Variants in AGBL1 observed in about 807,000 individuals in gnomAD.
AGBL1 encodes the protein AGBL carboxypeptidase 1, also known as cytosolic carboxypeptidase 4.
Under a neutral mutation model 118.9 loss-of-function variants are expected in AGBL1, and 130 were observed. The observed-to-expected ratio is 1.09, with a 90% confidence interval of 0.95 to 1.26. The LOEUF (loss-of-function observed/expected upper bound fraction) is 1.26. AGBL1 is among the 50% of genes most tolerant of loss of function. The probability of loss-of-function intolerance (pLI) is 0.00; values close to 1 mark genes in which losing one functional copy is unlikely to be tolerated. For synonymous variants in AGBL1, 555 were observed against 478.9 expected (o/e 1.16, Z -2.08); for missense variants, 1,584 against 1,298.1 (o/e 1.22, Z -3.38).
At chr15:87,020,158 T>G (rs1345831829) in intron 24 of AGBL1, among the ~76,000 whole-genome samples, 1 of 152,018 alleles carries the variant, frequency 6.6e-6, no homozygotes, top group Non-Finnish European at 1.5e-5. Context: ...ACCAGAAGAA[T>G]TTACAGCTGA....
chr15:86,754,300 C>A (rs1045005460), intron 22 of AGBL1, among the ~76,000 whole-genome samples: 1 of 152,048 alleles, frequency 6.6e-6, no homozygotes, highest in Admixed American at 6.6e-5. Context: ...GCTTGCCCAG[C>A]TAGATTATAA....
chr15:86,436,154 T>A (rs1255351150), intron 18 of AGBL1, among the ~76,000 whole-genome samples: 2 of 147,200 alleles, frequency 1.4e-5, no homozygotes, highest in South Asian at 4.6e-4. Context: ...CTTGCATGCA[T>A]ATAGAAAATT....
At chr15:86,478,258 A>G (rs922153382) in intron 18 of AGBL1, among the ~76,000 whole-genome samples, 34 of 152,314 alleles carry the variant, frequency 2.2e-4, no homozygotes, top group Non-Finnish European at 4.3e-4. Flanking sequence ...AAAGAAATAA[A>G]GGGTATTCAA....
chr15:86,825,887 G>GATA (rs2079004706), intron 22 of AGBL1, among the ~76,000 whole-genome samples: 1,477 of 144,228 alleles, frequency 0.01, 13 homozygotes, highest in East Asian at 0.038. Context: ...ATAGATGGAT[G>GATA]GATAGATAGA....
chr15:86,266,374 G>A lies in AGBL1; in HGVS notation c.1668G>A (p.Arg556=). Residue 556 remains arginine (R), a splice_region_variant and synonymous_variant, in exon 12 of 23, where the codon AGG becomes AGA. Coordinates refer to ENST00000614907, the MANE Select transcript of AGBL1 (RefSeq NM_001386094.1). ...PMLERKCGVQ[R]IRIFEDIRRL... ...AAATGTTTTCAATTTTCTTTTTCAGGATCAGGATATTTGAGGATATTCGGA... is the reference window on the plus strand; with the variant it reads ...AAATGTTTTCAATTTTCTTTTTCAGAATCAGGATATTTGAGGATATTCGGA... 1 of 1,571,066 alleles carries A rather than the reference G, an allele frequency of 6.4e-7. No individual in the cohort carries two copies. Among genetic ancestry groups the A allele is most frequent in the South Asian group, 1.2e-5 (1 of 85,060 alleles).
intron 9 of AGBL1, among the ~76,000 whole-genome samples, chr15:86,261,266 GT>G (rs1272644981): frequency 6.6e-6 from 1 of 152,138 alleles, no homozygotes; most frequent in Non-Finnish European, 1.5e-5. Context: ...GGCCTTCCAG[GT>G]TGTGTTTCCC....
chr15:86,627,929 C>T (rs1567090592), intron 21 of AGBL1, among the ~76,000 whole-genome samples: 1 of 152,160 alleles, frequency 6.6e-6, no homozygotes, highest in Non-Finnish European at 1.5e-5. Flanking sequence ...GCGTCCTGCC[C>T]ATCAAAGGCG....
chr15:86,237,772 G>A (rs924267885), intron 6 of AGBL1, among the ~76,000 whole-genome samples: 1 of 152,168 alleles, frequency 6.6e-6, no homozygotes, highest in African/African-American at 2.4e-5. Flanking sequence ...AGAAAGGCGA[G>A]TGAGAAATTC....
chr15:86,538,905 G>A (rs528802409), intron 19 of AGBL1, among the ~76,000 whole-genome samples: 225 of 152,358 alleles, frequency 1.5e-3, no homozygotes, highest in Non-Finnish European at 2.7e-3. Context: ...AGAGGAACTA[G>A]AATGGGACCA....
chr15:86,776,630 T>C (rs2078258672), intron 22 of AGBL1, among the ~76,000 whole-genome samples: 1 of 151,820 alleles, frequency 6.6e-6, no homozygotes, highest in Non-Finnish European at 1.5e-5. Context: ...TTTGTGGTTT[T>C]TTTTTATTTA....
intron 18 of AGBL1, among the ~76,000 whole-genome samples, chr15:86,515,537 A>C (rs2083109632): frequency 6.6e-6 from 1 of 152,148 alleles, no homozygotes; most frequent in Non-Finnish European, 1.5e-5. Context: ...GTCTTTTATT[A>C]TTTCCTATTC....
At chr15:86,819,578 C>T (rs1214123120) in intron 22 of AGBL1, among the ~76,000 whole-genome samples, 1 of 152,024 alleles carries the variant, frequency 6.6e-6, no homozygotes, top group East Asian at 1.9e-4. Flanking sequence ...AGGAATACAA[C>T]TTACAAGGGA....
chr15:86,129,079 T>C (rs2076785888), intron 1 of AGBL1, among the ~76,000 whole-genome samples: 1 of 152,186 alleles, frequency 6.6e-6, no homozygotes, highest in Non-Finnish European at 1.5e-5. Context: ...TCTTTCAATA[T>C]AACAGAACCA....
At chr15:86,827,947 T>TTTTTTTC (rs2141408301) in intron 22 of AGBL1, among the ~76,000 whole-genome samples, 1 of 117,726 alleles carries the variant, frequency 8.5e-6, no homozygotes, top group East Asian at 2.7e-4. Context: ...GCTTTTTTTT[T>TTTTTTTC]TTTTTTTTTT....
At chr15:86,969,297 A>C (rs1041289124) in intron 23 of AGBL1, among the ~76,000 whole-genome samples, 1 of 151,764 alleles carries the variant, frequency 6.6e-6, no homozygotes, top group Non-Finnish European at 1.5e-5. Context: ...ACAATCATTC[A>C]GACCTCAGGA....
chr15:87,023,993 G>A (rs1341070807), intron 24 of AGBL1, among the ~76,000 whole-genome samples: 1 of 151,906 alleles, frequency 6.6e-6, no homozygotes, highest in Non-Finnish European at 1.5e-5. Context: ...AGTGCTAAGA[G>A]GAAGGTTCAT....
intron 21 of AGBL1, among the ~76,000 whole-genome samples, chr15:86,559,972 T>C (rs746920382): frequency 3.3e-5 from 5 of 152,156 alleles, no homozygotes; most frequent in African/African-American, 2.4e-5. Context: ...TTTTCTTATT[T>C]ATAATAGGAA....
intron 22 of AGBL1, among the ~76,000 whole-genome samples, chr15:86,733,087 A>G (rs1004002916): frequency 2.0e-5 from 3 of 149,256 alleles, no homozygotes; most frequent in African/African-American, 7.3e-5. Context: ...AAATATATAT[A>G]TCTTATACAT....
At chr15:86,542,164 G>A (rs968146145) in intron 19 of AGBL1, among the ~76,000 whole-genome samples, 1 of 152,116 alleles carries the variant, frequency 6.6e-6, no homozygotes, top group African/African-American at 2.4e-5. Flanking sequence ...AGCTTTGCTG[G>A]CATAATGTAG....
Sources: gnomAD v4.1 joint callset for allele counts (sites outside exome capture counted in the v4.1 genomes callset) on GRCh38, gnomAD v4.1.1 for gene constraint, MANE v1.5 for transcripts, NCBI Gene and HGNC (gene_info 2026-07-23, HGNC 2026-07-21) for gene names.